The following NUP98 variants were observed in gnomAD, a reference collection of about 807,000 sequenced individuals.
NUP98 encodes the protein nuclear pore complex protein Nup98-Nup96.
Under a neutral mutation model 191.9 loss-of-function variants are expected in NUP98, and 26 were observed. That is an observed-to-expected ratio of 0.14 (90% CI 0.10 to 0.19). NUP98 has a LOEUF of 0.19. Among genes scored for constraint, NUP98 ranks in the 10% least tolerant of loss-of-function variants. NUP98 has a pLI of 1.00. For synonymous variants in NUP98, 808 were observed against 778.4 expected, an observed-to-expected ratio of 1.04 and a Z score of -0.63; for missense variants, 1,941 against 2,178.8, an observed-to-expected ratio of 0.89 and a Z score of 2.17.
chr11:3,702,327 TCTCTCTCTCTCTCTC>T, intron 23 of NUP98, 121 bp downstream of exon 23: 1 of 75,228 alleles, frequency 1.3e-5, no homozygotes, highest in Non-Finnish European at 2.3e-5. Context: ...TCTCTCTCTC[TCTCTCTCTCTCTCTC>T]TCTCTCTCTC....
At chr11:3,726,845 T>C (rs1242357548) in intron 14 of NUP98, among the ~76,000 whole-genome samples, 1 of 151,846 alleles carries the variant, frequency 6.6e-6, no homozygotes, top group Non-Finnish European at 1.5e-5. Flanking sequence ...CACTGCAACC[T>C]TGAATTCCTG....
At chr11:3,690,132 A>T (rs2078264558) in intron 28 of NUP98, among the ~76,000 whole-genome samples, 1 of 150,766 alleles carries the variant, frequency 6.6e-6, no homozygotes, top group Non-Finnish European at 1.5e-5. Flanking sequence ...TCGTATTTTT[A>T]GTAGAGATGG....
intron 12 of NUP98, among the ~76,000 whole-genome samples, chr11:3,742,573 C>T (rs1166801057): frequency 1.3e-5 from 2 of 151,680 alleles, no homozygotes; most frequent in Non-Finnish European, 2.9e-5. Context: ...GTGGCAGGCA[C>T]CTGTAATCCC....
chr11:3,795,793 G>A lies in NUP98; in HGVS notation c.-29+1607C>T, dbSNP rs2082511768. Among the ~76,000 whole-genome samples the A allele has an allele frequency of 2.0e-5, 3 of 152,208 alleles. No individual in the cohort carries two copies. In the South Asian group the frequency reaches 6.2e-4, roughly 32 times the overall value. ...AGCTTCCCAGAAGAGGGTGATGCCT[G>A]AACTGAGAAAATGTCACGGAAAACA... On this transcript the variant is annotated intron_variant, in intron 1 of 32. Coordinates refer to ENST00000324932, the MANE Select transcript of NUP98 (RefSeq NM_016320.5).
chr11:3,787,322 C>A (rs559423166), intron 1 of NUP98, among the ~76,000 whole-genome samples: 6 of 151,784 alleles, frequency 4.0e-5, no homozygotes, highest in African/African-American at 1.4e-4. Flanking sequence ...GGCTCAAGGT[C>A]TGTAATCCCG....
chr11:3,765,664 G>A (rs1051424621), intron 8 of NUP98, among the ~76,000 whole-genome samples: 2 of 151,966 alleles, frequency 1.3e-5, no homozygotes, highest in African/African-American at 4.8e-5. Flanking sequence ...AGCCGGGCAC[G>A]GTGGCGCACA....
chr11:3,752,698 A>G (rs1326146964), intron 11 of NUP98, among the ~76,000 whole-genome samples: 1 of 152,156 alleles, frequency 6.6e-6, no homozygotes, highest in Non-Finnish European at 1.5e-5. Flanking sequence ...GCAAAACTCT[A>G]TGTTTAACTA....
chr11:3,705,409 T>C (rs985347377), intron 21 of NUP98, 53 bp from the exon 22 acceptor site: 12 of 1,572,994 alleles, frequency 7.6e-6, no homozygotes, highest in Non-Finnish European at 1.0e-5. Context: ...CAAAAGGCCA[T>C]ACCAAAAAAA....
At chr11:3,708,942 A>C (rs565288316) in intron 20 of NUP98, among the ~76,000 whole-genome samples, 36 of 152,328 alleles carry the variant, frequency 2.4e-4, no homozygotes, top group Admixed American at 2.3e-3. Flanking sequence ...TACACAGATT[A>C]TATCTGTAAA....
chr11:3,702,962 A>G, intron 22 of NUP98, 70 bp from the exon 23 acceptor site: 3 of 1,273,910 alleles, frequency 2.4e-6, no homozygotes, highest in African/African-American at 1.5e-5. Context: ...TTGAACAATA[A>G]CAAAAATCAG....
At chr11:3,712,451 T>C (rs958575433) in intron 20 of NUP98, 113 bp downstream of exon 20, 3 of 1,522,528 alleles carry the variant, frequency 2.0e-6, no homozygotes, top group Non-Finnish European at 2.6e-6. Flanking sequence ...TTGCCAATGT[T>C]TGTACTCTTC....
At chr11:3,695,974 T>C (rs1283762222) in intron 25 of NUP98, among the ~76,000 whole-genome samples, 2 of 151,980 alleles carry the variant, frequency 1.3e-5, no homozygotes, top group East Asian at 1.9e-4. Context: ...GGTGGATTAC[T>C]TGAAGTCACG....
intron 7 of NUP98, among the ~76,000 whole-genome samples, 167 bp from the exon 8 acceptor site, chr11:3,768,911 C>G (rs1589925204): frequency 6.6e-6 from 1 of 152,242 alleles, no homozygotes; most frequent in African/African-American, 2.4e-5. Flanking sequence ...TCACTTAACT[C>G]TAGATTTAAA....
chr11:3,696,642 C>G (rs2078517209), intron 25 of NUP98: 1 of 151,930 alleles, frequency 6.6e-6, no homozygotes, highest in Non-Finnish European at 1.5e-5. Context: ...AACGGCATCT[C>G]TACTAAATAT....
chr11:3,785,965 C>G (rs886979946), intron 1 of NUP98, among the ~76,000 whole-genome samples: 7 of 151,580 alleles, frequency 4.6e-5, no homozygotes, highest in Admixed American at 4.6e-4. Flanking sequence ...CAAGCTGAAA[C>G]CCCCACCAAG....
chr11:3,728,275 T>C (rs993575520), intron 14 of NUP98, among the ~76,000 whole-genome samples: 2 of 152,124 alleles, frequency 1.3e-5, no homozygotes, highest in South Asian at 4.1e-4. Context: ...AATCCTACCT[T>C]TGAGGACTTT....
intron 11 of NUP98, among the ~76,000 whole-genome samples, chr11:3,752,311 G>A (rs1564885194): frequency 6.6e-6 from 1 of 151,924 alleles, no homozygotes; most frequent in Non-Finnish European, 1.5e-5. Flanking sequence ...GAGGTCAGGA[G>A]TTCAAGACCA....
In NUP98 at chr11:3,676,215, C is replaced by G; in HGVS notation, c.5347G>C (p.Glu1783Gln). The change falls in exon 33 of 33, where the codon GAA becomes CAA. Residue 1783 changes from glutamate to glutamine, a missense_variant. Physicochemically the swap from Glu to Gln is conservative, Grantham distance 29. Around this residue, in one of 6 missense-constraint regions of NUP98, gnomAD observed 1,030 missense variants for 1,115.8 expected, o/e 0.92. Transcript: ENST00000324932. ...TAGGACTGGGTAAGGCTGCGCAGTTCGTCCATGGCATAGTCCTCAGGCATG... is the reference window on the plus strand; with the variant it reads ...TAGGACTGGGTAAGGCTGCGCAGTTGGTCCATGGCATAGTCCTCAGGCATG... ...LPMPEDYAMD[E>Q]LRSLTQSYLR... The G allele has an allele frequency of 6.2e-7, 1 of 1,614,174 alleles. No individual in the cohort carries two copies. The highest frequency in any genetic ancestry group is 8.5e-7 in the Non-Finnish European group (1 of 1,180,038).
intron 1 of NUP98, among the ~76,000 whole-genome samples, chr11:3,796,125 C>T (rs905210507): frequency 6.6e-6 from 1 of 152,194 alleles, no homozygotes; most frequent in African/African-American, 2.4e-5. Flanking sequence ...AAGACCGTCA[C>T]AGGGAATGAT....
Sources: gnomAD v4.1 joint callset for allele counts (sites outside exome capture counted in the v4.1 genomes callset) on GRCh38, gnomAD v4.1.1 for gene constraint, gnomAD v4.1.1 regional missense constraint, MANE v1.5 for transcripts, NCBI Gene and HGNC (gene_info 2026-07-23, HGNC 2026-07-21) for gene names.